The following PDE10A variants were observed in gnomAD, a reference collection of about 807,000 sequenced individuals.
The protein encoded by PDE10A is cAMP and cAMP-inhibited cGMP 3',5'-cyclic phosphodiesterase 10A.
In PDE10A, 39 loss-of-function variants were observed where a neutral mutation model predicts 97.7. That is an observed-to-expected ratio of 0.40 (90% CI 0.31 to 0.52). PDE10A has a LOEUF of 0.52. PDE10A is among the 20% of genes least tolerant of loss of function. The pLI, the probability that PDE10A is intolerant of heterozygous loss-of-function variation, is 0.56. For synonymous variants in PDE10A, 371 were observed against 376.8 expected (o/e 0.98, Z 0.18); for missense variants, 731 against 1,047.8 (o/e 0.70, Z 4.17).
chr6:165,862,606 CACTA>C (rs1228069109), intron 1 of PDE10A, among the ~76,000 whole-genome samples: 1 of 151,730 alleles, frequency 6.6e-6, no homozygotes, highest in Non-Finnish European at 1.5e-5. Flanking sequence ...TTCAGGACCA[CACTA>C]ACAGGTGCAC....
intron 1 of PDE10A, among the ~76,000 whole-genome samples, chr6:165,562,835 G>A (rs1784585216): frequency 6.6e-6 from 1 of 152,060 alleles, no homozygotes; most frequent in African/African-American, 2.4e-5. Flanking sequence ...GAGACATCTG[G>A]CAATGTCTGC....
At chr6:165,852,657 T>C (rs1241108696) in intron 1 of PDE10A, among the ~76,000 whole-genome samples, 1 of 152,208 alleles carries the variant, frequency 6.6e-6, no homozygotes, top group African/African-American at 2.4e-5. Context: ...GCAAGGTTCC[T>C]GTTTTGTCAT....
At chr6:165,829,108 C>T (rs530888330) in intron 1 of PDE10A, among the ~76,000 whole-genome samples, 1 of 152,178 alleles carries the variant, frequency 6.6e-6, no homozygotes, top group Non-Finnish European at 1.5e-5. Context: ...TAAGAAATGG[C>T]CCCAGCTTCA....
chr6:165,495,719 A>G (rs759882384), intron 2 of PDE10A, among the ~76,000 whole-genome samples: 5 of 152,120 alleles, frequency 3.3e-5, no homozygotes, highest in Non-Finnish European at 7.3e-5. Context: ...TACAATATAT[A>G]AGACTCTTTT....
intron 1 of PDE10A, among the ~76,000 whole-genome samples, chr6:165,719,087 T>G (rs1339486355): frequency 5.9e-5 from 9 of 151,894 alleles, no homozygotes; most frequent in African/African-American, 2.2e-4. Flanking sequence ...ATTGAAGAAA[T>G]TCCCCAGAAA....
intron 5 of PDE10A, among the ~76,000 whole-genome samples, chr6:165,442,280 C>T (rs575766067): frequency 6.6e-6 from 1 of 152,080 alleles, no homozygotes; most frequent in South Asian, 2.1e-4. Context: ...TCTCCTAATG[C>T]TATCCCTCCC....
chr6:165,936,201 T>C (rs969340895), intron 1 of PDE10A, among the ~76,000 whole-genome samples: 1 of 152,208 alleles, frequency 6.6e-6, no homozygotes, highest in African/African-American at 2.4e-5. Context: ...GAGCCTCTGA[T>C]GTATTCATGC....
intron 1 of PDE10A, among the ~76,000 whole-genome samples, chr6:165,907,546 C>T (rs140478864): frequency 3.2e-4 from 49 of 152,384 alleles, no homozygotes; most frequent in Middle Eastern, 6.8e-3. Context: ...AGTCACTGGC[C>T]GCCCTGAAGT....
intron 3 of PDE10A, among the ~76,000 whole-genome samples, chr6:165,458,169 C>T (rs76686563): frequency 0.1 from 15,319 of 152,070 alleles, 932 homozygotes; most frequent in Middle Eastern, 0.19. Flanking sequence ...TTTATTTTGA[C>T]ATAATTTCGA....
At chr6:165,758,506 GAAGA>G (rs201255478) in intron 1 of PDE10A, among the ~76,000 whole-genome samples, 1,026 of 74,814 alleles carry the variant, frequency 0.014, 15 homozygotes, top group Admixed American at 0.042. Context: ...AAAGAAGAAA[GAAGA>G]AAGAAGAAGA....
chr6:165,517,833 C>G (rs147912897), intron 2 of PDE10A, among the ~76,000 whole-genome samples: 1 of 152,188 alleles, frequency 6.6e-6, no homozygotes, highest in East Asian at 1.9e-4. Flanking sequence ...GAACTATACA[C>G]GAGAAAAATA....
intron 1 of PDE10A, among the ~76,000 whole-genome samples, chr6:165,835,522 C>T (rs1583167302): frequency 1.3e-5 from 2 of 152,366 alleles, no homozygotes; most frequent in East Asian, 3.9e-4. Context: ...TTCCTTCCTC[C>T]CTGCTGGTCT....
intron 2 of PDE10A, among the ~76,000 whole-genome samples, chr6:165,541,227 A>T (rs998396041): frequency 1.6e-4 from 24 of 152,164 alleles, no homozygotes; most frequent in African/African-American, 5.3e-4. Flanking sequence ...CCACAACTAG[A>T]TGGTAAACTC....
At chr6:165,589,736 A>T (rs1350527688) in intron 1 of PDE10A, among the ~76,000 whole-genome samples, 1 of 152,176 alleles carries the variant, frequency 6.6e-6, no homozygotes, top group Non-Finnish European at 1.5e-5. Context: ...TTTGAAAAAA[A>T]TGTCACCGAC....
intron 1 of PDE10A, among the ~76,000 whole-genome samples, chr6:165,751,774 T>C (rs1271994350): frequency 1.3e-5 from 2 of 152,124 alleles, no homozygotes; most frequent in Admixed American, 6.5e-5. Flanking sequence ...TTACCATCCC[T>C]TTCCTAGAAA....
At chr6:165,870,558 G>T (rs574072929) in intron 1 of PDE10A, among the ~76,000 whole-genome samples, 195 of 152,196 alleles carry the variant, frequency 1.3e-3, no homozygotes, top group African/African-American at 4.6e-3. Flanking sequence ...TTCCACAAAA[G>T]ACTAAAAATA....
chr6:165,744,301 A>C (rs1792796228), intron 1 of PDE10A, among the ~76,000 whole-genome samples: 2 of 152,220 alleles, frequency 1.3e-5, no homozygotes, highest in South Asian at 4.1e-4. Context: ...AAATAAGAAC[A>C]CATAGTAAAG....
Position 165,811,178 on chromosome 6 carries a change from G to A in PDE10A, c.-615+176351C>T, listed in dbSNP as rs548803442. 9.2e-5 allele frequency among the ~76,000 whole-genome samples: 14 copies of A among 152,200 alleles called. 1 individual carries two copies. In the South Asian group the frequency reaches 2.5e-3, roughly 27 times the overall value. ...GCAGAGGATGCAGTGAGCCAAGATT[G>A]CACCACTGCACTCCAGCCTGGGTGA... On this transcript the variant is annotated intron_variant, in intron 1 of 19. Coordinates refer to the PDE10A transcript ENST00000366882.
chr6:165,738,849 A>G (rs1037904005), intron 1 of PDE10A, among the ~76,000 whole-genome samples: 4 of 152,266 alleles, frequency 2.6e-5, no homozygotes, highest in Admixed American at 6.5e-5. Flanking sequence ...CGCCCACTAC[A>G]CACTAACAAC....
Sources: allele counts gnomAD v4.1 joint callset (sites outside exome capture counted in the v4.1 genomes callset), GRCh38; gene constraint gnomAD v4.1.1; transcripts MANE v1.5; gene names NCBI Gene and HGNC (gene_info 2026-07-23, HGNC 2026-07-21).